Variants in DENND2A observed in about 807,000 individuals in gnomAD.
DENND2A encodes the protein DENN domain containing 2A, also known as DENN domain-containing protein 2A.
DENND2A carries 53 observed loss-of-function variants against 105.3 expected under a neutral mutation model. That is an observed-to-expected ratio of 0.50 (90% CI 0.40 to 0.63). The LOEUF (loss-of-function observed/expected upper bound fraction) is 0.63. DENND2A is among the 30% of genes least tolerant of loss of function. DENND2A has a pLI of 0.00. For synonymous variants in DENND2A, 522 were observed against 508.4 expected (o/e 1.03, Z -0.36); for missense variants, 1,138 against 1,279.6 (o/e 0.89, Z 1.69).
rs532074077 is a variant in DENND2A, at chr7:140,619,648, C to T, written c.-247-13842G>A. Among the ~76,000 whole-genome samples, 9 of 152,074 alleles carry T rather than the reference C, an allele frequency of 5.9e-5. No homozygotes were observed. In the East Asian group the frequency reaches 1.8e-3, roughly 30 times the overall value. On this transcript the variant is annotated intron_variant, in intron 1 of 19. Transcript: ENST00000496613. Reference sequence around the variant, plus strand: ...CCAACTAGCTGGGATTGCAAGCGTGCACCACCATGCCCAGCTAATTTTTGT... The same window carrying T: ...CCAACTAGCTGGGATTGCAAGCGTGTACCACCATGCCCAGCTAATTTTTGT...
chr7:140,622,531 T>C (rs1391734607), intron 1 of DENND2A, among the ~76,000 whole-genome samples: 1 of 152,164 alleles, frequency 6.6e-6, no homozygotes, highest in African/African-American at 2.4e-5. Context: ...GTTAAAATGC[T>C]CTTTCGGAGG....
chr7:140,574,446 T>A (rs914480876), intron 5 of DENND2A, among the ~76,000 whole-genome samples: 1 of 151,974 alleles, frequency 6.6e-6, no homozygotes, highest in Non-Finnish European at 1.5e-5. Context: ...CTCGAACTCT[T>A]AAGCTCAGGC....
intron 1 of DENND2A, among the ~76,000 whole-genome samples, chr7:140,609,597 G>A (rs1466552814): frequency 1.3e-5 from 2 of 152,162 alleles, no homozygotes; most frequent in African/African-American, 4.8e-5. Context: ...GAGTACACAA[G>A]AGTTCATATA....
intron 13 of DENND2A, among the ~76,000 whole-genome samples, chr7:140,545,602 C>T (rs549915023): frequency 7.8e-4 from 119 of 152,266 alleles, no homozygotes; most frequent in African/African-American, 2.7e-3. Flanking sequence ...CCACCTGCCT[C>T]GGCCTCCCAA....
At chr7:140,537,217 T>C (rs1045717114) in intron 14 of DENND2A, among the ~76,000 whole-genome samples, 5 of 152,204 alleles carry the variant, frequency 3.3e-5, no homozygotes, top group Non-Finnish European at 1.5e-5. Context: ...GGATTCTCAT[T>C]TAAGCTTGTG....
rs1203693425 is a variant in DENND2A at position 140,587,780 on chromosome 7, T to C, written c.996A>G (p.Arg332=). ...GTAAATCTTCAAACTCATAGGACTT[T>C]CTGGAATGTGCCAGATGGGAGGAAA... is the stretch of plus-strand genomic sequence containing the variant. ...TGRQKSSADH[R]KSYEFEDLLQ... is the part of the protein sequence containing the mutation. Residue 332 remains arginine (R), a splice_region_variant and synonymous_variant, in exon 4 of 20, where the codon AGA becomes AGG. Transcript: ENST00000496613. 6 of 1,575,502 alleles carry C rather than the reference T, an allele frequency of 3.8e-6. No individual in the cohort carries two copies. The highest frequency in any genetic ancestry group is 5.2e-6 in the Non-Finnish European group (6 of 1,154,712).
intron 1 of DENND2A, among the ~76,000 whole-genome samples, chr7:140,625,482 C>T (rs979293700): frequency 3.9e-5 from 6 of 152,104 alleles, no homozygotes; most frequent in Non-Finnish European, 5.9e-5. Flanking sequence ...GAGTTTGAGA[C>T]TAGCCTGGCC....
chr7:140,613,382 A>T (rs542092724), intron 1 of DENND2A, among the ~76,000 whole-genome samples: 2 of 151,832 alleles, frequency 1.3e-5, no homozygotes, highest in African/African-American at 4.8e-5. Flanking sequence ...TCTACTAAAA[A>T]TAGAAAAATT....
Position 140,523,967 on chromosome 7 carries a change from C to T in DENND2A, c.2548-543G>A, listed in dbSNP as rs563654637. On this transcript the variant is annotated intron_variant, in intron 16 of 19. Transcript: ENST00000496613. This position sits in a 1 kb window ranked among gnomAD's most constrained non-coding sequence, Gnocchi z 4.5. ...TACCTTGTTGTGAAGCTACAATGGA[C>T]TACAATTACCCTGTGAAAGGGCTTG... 3.0e-4 allele frequency among the ~76,000 whole-genome samples: 45 copies of T among 152,272 alleles called. No homozygotes were observed. In the East Asian group the frequency reaches 8.3e-3, roughly 28 times the overall value.
At chr7:140,590,579 C>T (rs111779456) in intron 3 of DENND2A, among the ~76,000 whole-genome samples, 5,493 of 151,556 alleles carry the variant, frequency 0.036, 176 homozygotes, top group African/African-American at 0.093. Flanking sequence ...AATATAAGAG[C>T]TCAGGCCAGA....
intron 18 of DENND2A, 62 bp from the exon 19 acceptor site, chr7:140,519,780 A>C: frequency 7.0e-7 from 1 of 1,425,644 alleles, no homozygotes; most frequent in Non-Finnish European, 9.9e-7. Context: ...AAATGTGTCC[A>C]TTTCCTCCCT....
intron 14 of DENND2A, among the ~76,000 whole-genome samples, chr7:140,529,765 G>C (rs964885842): frequency 2.0e-5 from 3 of 151,860 alleles, no homozygotes; most frequent in Admixed American, 2.0e-4. Context: ...GACACAGGAA[G>C]GGGAACATCA....
chr7:140,573,299 C>T (rs1051128316), intron 6 of DENND2A, among the ~76,000 whole-genome samples: 2 of 152,148 alleles, frequency 1.3e-5, no homozygotes, highest in African/African-American at 4.8e-5. Context: ...AACTGCAGCA[C>T]TGAAATTGAG....
At chr7:140,519,184 C>T (rs1795765121) in intron 19 of DENND2A, among the ~76,000 whole-genome samples, 1 of 152,210 alleles carries the variant, frequency 6.6e-6, no homozygotes, top group African/African-American at 2.4e-5. Context: ...GGCCTCCGTC[C>T]TCTTTTTTGG....
Position 140,546,812 on chromosome 7 carries a change from C to A in DENND2A, c.2165G>T (p.Gly722Val). 1 of 1,614,138 alleles carries A rather than the reference C, an allele frequency of 6.2e-7. No individual in the cohort carries two copies. The change falls in exon 13 of 20, where the codon GGT becomes GTT. Residue 722 changes from glycine (G) to valine (V), a missense_variant. Physicochemically the swap from Gly to Val is moderately radical, Grantham distance 109 (BLOSUM62 -3). This residue lies in a region of DENND2A where 627 missense variants were observed against 779.8 expected (regional missense o/e 0.80). Transcript: ENST00000496613. ...KTILVKNFLP[G>V]SGTEVIELCR... ...CTGACAACTCACCTCAGTTCCTGAA[C>A]CTGGCAGGAAGTTCTTGACAAGGAT...
intron 1 of DENND2A, among the ~76,000 whole-genome samples, chr7:140,619,653 C>T (rs1189883630): frequency 6.6e-6 from 1 of 152,032 alleles, no homozygotes; most frequent in Non-Finnish European, 1.5e-5. Flanking sequence ...GCGTGCACCA[C>T]CATGCCCAGC....
At chr7:140,529,505 T>C (rs994804490) in intron 14 of DENND2A, among the ~76,000 whole-genome samples, 1 of 152,162 alleles carries the variant, frequency 6.6e-6, no homozygotes. Flanking sequence ...CGTATGTTTA[T>C]TGCACCACTA....
chr7:140,612,563 G>A (rs907529277), intron 1 of DENND2A, among the ~76,000 whole-genome samples: 1 of 151,102 alleles, frequency 6.6e-6, no homozygotes, highest in Non-Finnish European at 1.5e-5. Context: ...GTGCAATGGT[G>A]CAATCTCAGC....
intron 1 of DENND2A, among the ~76,000 whole-genome samples, chr7:140,620,666 C>T (rs1036072903): frequency 3.9e-5 from 6 of 152,188 alleles, no homozygotes; most frequent in East Asian, 3.8e-4. Context: ...CTTGCAGCCA[C>T]GACCACAGCT....
Sources: gnomAD v4.1 joint callset for allele counts (sites outside exome capture counted in the v4.1 genomes callset) on GRCh38, gnomAD v4.1.1 for gene constraint, gnomAD v4.1.1 regional missense constraint, Gnocchi (gnomAD v3.1) non-coding constraint, MANE v1.5 for transcripts, NCBI Gene and HGNC (gene_info 2026-07-23, HGNC 2026-07-21) for gene names.